VLDLR: variants seen among roughly 807,000 people sequenced by gnomAD.
VLDLR encodes the protein very low-density lipoprotein receptor.
VLDLR carries 81 observed loss-of-function variants against 112.7 expected under a neutral mutation model. The observed-to-expected ratio is 0.72, with a 90% CI of 0.60 to 0.86. The LOEUF is 0.86. VLDLR is among the 40% of genes least tolerant of loss of function. The pLI, the probability that VLDLR is intolerant of heterozygous loss-of-function variation, is 0.00. For missense variants in VLDLR, 1,237 were observed against 1,099.4 expected (o/e 1.13, Z -1.77); for synonymous variants, 436 against 384.8 (o/e 1.13, Z -1.56).
chr9:2,637,226 A>G (rs1817631782), intron 2 of VLDLR, among the ~76,000 whole-genome samples: 1 of 152,186 alleles, frequency 6.6e-6, no homozygotes, highest in South Asian at 2.1e-4. Flanking sequence ...ATTACTTAAA[A>G]CTTCCAAAGC....
At chr9:2,647,342 C>T (rs370719826) in intron 11 of VLDLR, 132 bp from the exon 12 acceptor site, 22 of 735,586 alleles carry the variant, frequency 3.0e-5, no homozygotes, top group Middle Eastern at 3.6e-4. Context: ...TAATTTAGAC[C>T]CTTAAGTGTT....
In VLDLR at chr9:2,657,747, C is replaced by G. The variant is rs1003285737; in HGVS notation, c.*3879C>G. 2 of 152,192 alleles carry G rather than the reference C, an allele frequency of 1.3e-5. No individual in the cohort carries two copies. Among genetic ancestry groups the G allele is most frequent in the African/African-American group, 4.8e-5 (2 of 41,446 alleles). The allele number at this position is 152,192 out of a possible 1,614,324, so 9.4% of individuals were successfully genotyped here. ...TTGTCTGCTGTCGTCTGTTAAGCAT[C>G]TAACCGGAGTGGGAGGGCACATCAA... On this transcript the variant is annotated 3_prime_UTR_variant, in exon 19 of 19. Coordinates refer to ENST00000382100, the MANE Select transcript of VLDLR (RefSeq NM_003383.5).
chr9:2,634,640 A>T (rs1817519883), intron 1 of VLDLR, among the ~76,000 whole-genome samples: 2 of 152,182 alleles, frequency 1.3e-5, no homozygotes, highest in Non-Finnish European at 2.9e-5. Context: ...ATTCAGAGAA[A>T]TCGAAACTAC....
intron 1 of VLDLR, 125 bp downstream of exon 1, chr9:2,622,396 C>G (rs1489249217): frequency 3.8e-6 from 3 of 792,556 alleles, no homozygotes; most frequent in Non-Finnish European, 5.4e-6. Flanking sequence ...TCCTCGCCTT[C>G]CCTCCCTCCC....
At chr9:2,624,319 G>A (rs1156575521) in intron 1 of VLDLR, among the ~76,000 whole-genome samples, 3 of 152,220 alleles carry the variant, frequency 2.0e-5, no homozygotes, top group Non-Finnish European at 4.4e-5. Flanking sequence ...TCTGTCTTAA[G>A]TTCAAAGTCT....
chr9:2,653,746 A>G (rs1300180433), intron 18 of VLDLR, 87 bp from the exon 19 acceptor site: 2 of 1,445,126 alleles, frequency 1.4e-6, no homozygotes, highest in African/African-American at 2.8e-5. Flanking sequence ...TTGAATGACC[A>G]ACTCAAAAGC....
chr9:2,623,393 A>G (rs1419434868), intron 1 of VLDLR, among the ~76,000 whole-genome samples: 1 of 152,246 alleles, frequency 6.6e-6, no homozygotes, highest in African/African-American at 2.4e-5. Flanking sequence ...GCTGCAGGGA[A>G]TTGGGACTGA....
chr9:2,643,116 C>G, intron 4 of VLDLR, 44 bp from the exon 5 acceptor site: 2 of 1,601,350 alleles, frequency 1.2e-6, no homozygotes, highest in Non-Finnish European at 1.7e-6. Context: ...CTTGAACGGA[C>G]CAATCTTGAT....
At chr9:2,650,278 G>A in intron 14 of VLDLR, 92 bp from the exon 15 acceptor site, 1 of 1,536,492 alleles carries the variant, frequency 6.5e-7, no homozygotes, top group South Asian at 1.2e-5. Flanking sequence ...GCTCTTGGGG[G>A]CAAGGACTCA....
chr9:2,643,645 C>A lies in VLDLR; in HGVS notation c.838C>A (p.Pro280Thr), dbSNP rs776508876. 1 of 1,614,200 alleles carries A rather than the reference C, an allele frequency of 6.2e-7. No individual in the cohort carries two copies. The highest frequency in any genetic ancestry group is 8.5e-7 in the Non-Finnish European group (1 of 1,180,048). ...EVNCPSRTCR[P>T]DQFECEDGSC... ...CTTTGTAGCCTCTCGAACTTGCCGA[C>A]CTGACCAATTTGAATGTGAGGATGG... The change falls in exon 6 of 19, where the codon CCT becomes ACT. Residue 280 changes from proline to threonine, a missense_variant. Pro to Thr is a conservative substitution (Grantham distance 38). Transcript: ENST00000382100.
At chr9:2,638,740 C>A (rs759506786) in intron 2 of VLDLR, among the ~76,000 whole-genome samples, 3 of 152,148 alleles carry the variant, frequency 2.0e-5, no homozygotes, top group Non-Finnish European at 4.4e-5. Context: ...GCATGGTAAC[C>A]CTAAGTATAG....
intron 2 of VLDLR, among the ~76,000 whole-genome samples, chr9:2,636,621 T>C (rs574023636): frequency 1.6e-4 from 24 of 152,334 alleles, no homozygotes; most frequent in African/African-American, 4.8e-4. Context: ...CATTCTACCA[T>C]CTCAGGGAAG....
chr9:2,633,835 G>T (rs542556286), intron 1 of VLDLR, among the ~76,000 whole-genome samples: 2 of 152,182 alleles, frequency 1.3e-5, no homozygotes, highest in Non-Finnish European at 2.9e-5. Context: ...AACATATTAA[G>T]AATCCAGTGG....
intron 1 of VLDLR, among the ~76,000 whole-genome samples, chr9:2,633,051 A>AGAGT (rs1460780869): frequency 7.8e-5 from 9 of 115,464 alleles, no homozygotes; most frequent in East Asian, 4.9e-4. Context: ...AGAGAGAGAG[A>AGAGT]GTGTGTGTGT....
In VLDLR at chr9:2,655,981, A is replaced by G. The variant is rs1818588726; in HGVS notation, c.*2113A>G. 2 of 152,228 alleles carry G rather than the reference A, an allele frequency of 1.3e-5. No individual in the cohort carries two copies. The highest frequency in any genetic ancestry group is 6.8e-3 in the Middle Eastern group (2 of 294). The allele number at this position is 152,228 out of a possible 1,614,324, so 9.4% of individuals were successfully genotyped here. Reference sequence around the variant, plus strand: ...TTTTTTTTTAACTGGAGTAATACCAAATTCCCTTTAGAAGCTTGAAGTTTG... The same window carrying G: ...TTTTTTTTTAACTGGAGTAATACCAGATTCCCTTTAGAAGCTTGAAGTTTG... On this transcript the variant is annotated 3_prime_UTR_variant, in exon 19 of 19. Transcript: ENST00000382100.
chr9:2,650,077 G>A (rs1158607296), intron 14 of VLDLR, among the ~76,000 whole-genome samples: 1 of 152,158 alleles, frequency 6.6e-6, no homozygotes, highest in African/African-American at 2.4e-5. Flanking sequence ...AATAGTGAGA[G>A]CCAGTCCTGG....
chr9:2,625,061 C>G (rs1230747481), intron 1 of VLDLR, among the ~76,000 whole-genome samples: 1 of 152,226 alleles, frequency 6.6e-6, no homozygotes, highest in Non-Finnish European at 1.5e-5. Flanking sequence ...CTATTTAACA[C>G]TAAACATTGC....
At chr9:2,647,981 A>G (rs1345746519) in intron 12 of VLDLR, among the ~76,000 whole-genome samples, 2 of 152,204 alleles carry the variant, frequency 1.3e-5, no homozygotes, top group Admixed American at 1.3e-4. Flanking sequence ...AATGTGAGTA[A>G]TATTTCTTAA....
chr9:2,643,145 CCT>C lies in VLDLR; in HGVS notation c.449-8_449-7del, dbSNP rs1563757695. 1.2e-6 allele frequency: 2 copies of C among 1,606,934 alleles called. No homozygotes were observed. The highest frequency in any genetic ancestry group is 1.1e-5 in the South Asian group (1 of 91,008). On this transcript the variant is annotated splice_polypyrimidine_tract_variant and intron_variant, in intron 4 of 18. Transcript: ENST00000382100. The stretch of plus-strand genomic sequence containing the variant: ...TCTTGATGCATTTTCAGTGGGGCAT[CCT>C]CTCTCTTAATAGGCAATATAACATG...
Sources: allele counts gnomAD v4.1 joint callset (sites outside exome capture counted in the v4.1 genomes callset), GRCh38; gene constraint gnomAD v4.1.1; transcripts MANE v1.5; gene names NCBI Gene and HGNC (gene_info 2026-07-23, HGNC 2026-07-21).